PKHD1L1: variants seen among roughly 807,000 people sequenced by gnomAD.
PKHD1L1 encodes the protein fibrocystin-L.
In PKHD1L1, 434 loss-of-function variants were observed where a neutral mutation model predicts 462.9. The observed-to-expected ratio is 0.94, with a 90% CI of 0.87 to 1.02. The LOEUF (loss-of-function observed/expected upper bound fraction) is 1.02, where lower values mean the gene tolerates loss of function less well. Among genes scored for constraint, PKHD1L1 ranks in the 50% least tolerant of loss-of-function variants. The probability of loss-of-function intolerance (pLI) is 0.00; values close to 1 mark genes in which losing one functional copy is unlikely to be tolerated. For missense variants in PKHD1L1, 5,202 were observed against 5,096.1 expected (o/e 1.02, Z -0.63); for synonymous variants, 1,781 against 1,750.0 (o/e 1.02, Z -0.44).
rs1332872358 is a variant in PKHD1L1 at position 109,410,733 on chromosome 8, T to TTTTTTTTTTTTG, written c.2085+766_2085+767insGTTTTTTTTTTT. On this transcript the variant is annotated intron_variant, in intron 19 of 77. Coordinates refer to ENST00000378402, the MANE Select transcript of PKHD1L1 (RefSeq NM_177531.6). ...TTCTTTTCTTTTCTTTTTCTTTTTT[T>TTTTTTTTTTTTG]TTTTTTTTTTTTTTGAGACGGAGTC... Among the ~76,000 whole-genome samples the TTTTTTTTTTTTG allele has an allele frequency of 2.7e-4, 19 of 70,826 alleles. 3 individuals are homozygous for TTTTTTTTTTTTG. Among genetic ancestry groups the TTTTTTTTTTTTG allele is most frequent in the South Asian group, 7.4e-4 (1 of 1,356 alleles). The allele number at this position is 70,826 out of a possible 152,430, so 46.5% of individuals were successfully genotyped here.
At chr8:109,392,608 T>C (rs1330659369) in intron 9 of PKHD1L1, among the ~76,000 whole-genome samples, 1 of 152,090 alleles carries the variant, frequency 6.6e-6, no homozygotes, top group Non-Finnish European at 1.5e-5. Context: ...AACAGAAATA[T>C]GACATTTATG....
chr8:109,470,693 T>C, intron 50 of PKHD1L1: 1 of 1,581,742 alleles, frequency 6.3e-7, no homozygotes, highest in South Asian at 1.1e-5. Flanking sequence ...GAAAAAGGAA[T>C]GGCAAATCTG....
intron 25 of PKHD1L1, among the ~76,000 whole-genome samples, chr8:109,428,312 G>A (rs1814890037): frequency 6.6e-6 from 1 of 152,148 alleles, no homozygotes; most frequent in African/African-American, 2.4e-5. Flanking sequence ...ATCAATAGCA[G>A]AAGGATTGGT....
At chr8:109,412,172 C>A in intron 19 of PKHD1L1, 93 bp from the exon 20 acceptor site, 1 of 1,273,898 alleles carries the variant, frequency 7.8e-7, no homozygotes, top group African/African-American at 1.5e-5. Context: ...ACAATGGGAT[C>A]TGGGTTGAAC....
At chr8:109,387,664 A>G (rs1252206533) in intron 6 of PKHD1L1, among the ~76,000 whole-genome samples, 2 of 152,220 alleles carry the variant, frequency 1.3e-5, no homozygotes, top group African/African-American at 2.4e-5. Flanking sequence ...AATGGGTACA[A>G]TAATTCAGTT....
At chr8:109,444,123 C>CG (rs61346591) in intron 37 of PKHD1L1, among the ~76,000 whole-genome samples, 2 of 65,936 alleles carry the variant, frequency 3.0e-5, no homozygotes, top group African/African-American at 1.1e-4. Context: ...CCTCCCCCCC[C>CG]CAAAAAAAAC....
intron 45 of PKHD1L1, 36 bp from the exon 46 acceptor site, chr8:109,456,226 A>T (rs1270813320): frequency 5.1e-6 from 8 of 1,571,462 alleles, no homozygotes; most frequent in Non-Finnish European, 6.9e-6. Flanking sequence ...AATCAAACAC[A>T]TGTAAGGAAA....
At chr8:109,410,574 T>C (rs936171626) in intron 19 of PKHD1L1, among the ~76,000 whole-genome samples, 1 of 151,942 alleles carries the variant, frequency 6.6e-6, no homozygotes, top group Admixed American at 6.6e-5. Flanking sequence ...GCTAAGCCAT[T>C]CATGAGAAAT....
At chr8:109,444,622 G>A in intron 37 of PKHD1L1, 39 bp from the exon 38 acceptor site, 1 of 1,564,364 alleles carries the variant, frequency 6.4e-7, no homozygotes, top group Non-Finnish European at 8.7e-7. Context: ...CTGGAGGTAT[G>A]TATTGACTTG....
chr8:109,427,039 T>G lies in PKHD1L1; in HGVS notation c.2883T>G (p.Phe961Leu), dbSNP rs1396120766. ...CTGTGTCAGCTGCAGATCTGCAGTT[T>G]GCACTCCAGAGTCTGGAGGGAATGG... ...PAAVSAADLQ[F>L]ALQSLEGMGR... The change falls in exon 25 of 78, where the codon TTT (phenylalanine) becomes TTG (leucine). Residue 961 changes from phenylalanine (F) to leucine (L), a missense_variant. Coordinates refer to ENST00000378402, the MANE Select transcript of PKHD1L1 (RefSeq NM_177531.6). The G allele has an allele frequency of 6.2e-7, 1 of 1,609,130 alleles. No homozygotes were observed. The highest frequency in any genetic ancestry group is 8.5e-7 in the Non-Finnish European group (1 of 1,175,480).
chr8:109,491,165 T>C, intron 61 of PKHD1L1, 64 bp downstream of exon 61: 2 of 1,475,692 alleles, frequency 1.4e-6, no homozygotes, highest in South Asian at 1.3e-5. Context: ...CTATATACTC[T>C]AGAGCTACAC....
In PKHD1L1 at chr8:109,476,581, A is replaced by G. The variant is rs1332326228; in HGVS notation, c.8831A>G (p.Asn2944Ser). The change falls in exon 52 of 78, where the codon AAT becomes AGT. Residue 2944 changes from asparagine to serine, a missense_variant. By Grantham distance (46) the Asn-to-Ser change is conservative. This residue lies in a region of PKHD1L1 where 4,497 missense variants were observed against 4,336.8 expected (regional missense o/e 1.04). Coordinates refer to ENST00000378402, the MANE Select transcript of PKHD1L1 (RefSeq NM_177531.6). ...ATGTTTAATATTATTGATATGAGGAATGGTTCCTCAAATCCATTGAATTGG... is the reference window on the plus strand; with the variant it reads ...ATGTTTAATATTATTGATATGAGGAGTGGTTCCTCAAATCCATTGAATTGG... ...PDMFNIIDMRNGSSNPLNWNT... is the reference protein window; with the variant it reads ...PDMFNIIDMRSGSSNPLNWNT... 1.3e-6 allele frequency: 2 copies of G among 1,573,820 alleles called. No homozygotes were observed. Among genetic ancestry groups the G allele is most frequent in the Middle Eastern group, 3.3e-4 (2 of 5,978 alleles).
chr8:109,482,392 T>A (rs375393687), intron 56 of PKHD1L1, among the ~76,000 whole-genome samples: 11 of 151,790 alleles, frequency 7.2e-5, no homozygotes, highest in African/African-American at 2.7e-4. Flanking sequence ...AGAAAACATA[T>A]CTGTAAAGAA....
At chr8:109,489,078 T>C (rs1225074917) in intron 59 of PKHD1L1, among the ~76,000 whole-genome samples, 4 of 151,984 alleles carry the variant, frequency 2.6e-5, no homozygotes, top group Non-Finnish European at 5.9e-5. Flanking sequence ...GTAGTAATCA[T>C]GTCTTCTCTA....
In PKHD1L1 at chr8:109,391,762, G is replaced by T. The variant is rs142154822; in HGVS notation, c.740+1268G>T. On this transcript the variant is annotated intron_variant, in intron 9 of 77. Coordinates refer to ENST00000378402, the MANE Select transcript of PKHD1L1 (RefSeq NM_177531.6). The stretch of plus-strand genomic sequence containing the variant: ...ATCTAAGTAGATGTTATTCCTAGTA[G>T]CACTCACAGACTACAAGTGAAGGAT... Among the ~76,000 whole-genome samples, 314 of 152,268 alleles carry T rather than the reference G, an allele frequency of 2.1e-3. 2 individuals are homozygous for T. The highest frequency in any genetic ancestry group is 5.2e-3 in the African/African-American group (218 of 41,538).
chr8:109,438,311 C>A lies in PKHD1L1; in HGVS notation c.3628-13C>A. ...ACAATTAATATTTTCTAATTTTTTT[C>A]CTCTTATTTTAGAAAACTGAGGGTA... is the stretch of plus-strand genomic sequence containing the variant. On this transcript the variant is annotated splice_polypyrimidine_tract_variant and intron_variant, in intron 30 of 77. Transcript: ENST00000378402. 1 of 1,446,040 alleles carries A rather than the reference C, an allele frequency of 6.9e-7. No homozygotes were observed. The highest frequency in any genetic ancestry group is 9.3e-7 in the Non-Finnish European group (1 of 1,080,832). The allele number at this position is 1,446,040 out of a possible 1,614,324, so 89.6% of individuals were successfully genotyped here. A position where few individuals can be genotyped will look rare whatever the true frequency, so the allele number is the denominator to read the frequency against.
chr8:109,440,943 A>G (rs1815751592), intron 33 of PKHD1L1, 91 bp downstream of exon 33: 7 of 1,415,242 alleles, frequency 4.9e-6, no homozygotes, highest in South Asian at 4.6e-5. Flanking sequence ...AATATTCTAA[A>G]TCACAGCTTT....
Position 109,363,967 on chromosome 8 carries a change from AGTTT to A in PKHD1L1, c.74-576_74-573del, listed in dbSNP as rs532857204. Among the ~76,000 whole-genome samples the A allele has an allele frequency of 1.9e-3, 282 of 152,314 alleles. 1 individual carries two copies. Among genetic ancestry groups the A allele is most frequent in the African/African-American group, 6.5e-3 (269 of 41,572 alleles). ...TTATGTATCTCCAGGAAGCTAACAC[AGTTT>A]GTTGAATGAATTAGTGACCTTTATA... On this transcript the variant is annotated intron_variant, in intron 1 of 77. Transcript: ENST00000378402.
At chr8:109,504,617 C>T in intron 68 of PKHD1L1, 125 bp downstream of exon 68, 1 of 529,442 alleles carries the variant, frequency 1.9e-6, no homozygotes, top group Non-Finnish European at 3.2e-6. Context: ...CTTTAATGAG[C>T]ATTATGAAAA....
Sources: gnomAD v4.1 joint callset for allele counts (sites outside exome capture counted in the v4.1 genomes callset) on GRCh38, gnomAD v4.1.1 for gene constraint, gnomAD v4.1.1 regional missense constraint, MANE v1.5 for transcripts, NCBI Gene and HGNC (gene_info 2026-07-23, HGNC 2026-07-21) for gene names.